COL28A1: variants seen among roughly 807,000 people sequenced by gnomAD.
COL28A1 encodes the protein collagen type XXVIII alpha 1 chain.
COL28A1 carries 161 observed loss-of-function variants against 150.2 expected under a neutral mutation model. The observed-to-expected ratio is 1.07, with a 90% CI of 0.94 to 1.22. The LOEUF is 1.22. Among genes scored for constraint, COL28A1 ranks in the 50% most tolerant of loss-of-function variants. The pLI is 0.00. For missense variants in COL28A1, 1,617 were observed against 1,388.3 expected (o/e 1.16, Z -2.62); for synonymous variants, 552 against 469.7 (o/e 1.18, Z -2.26).
chr7:7,537,954 T>C (rs139863390), upstream of COL28A1, among the ~76,000 whole-genome samples: 52 of 152,302 alleles, frequency 3.4e-4, no homozygotes, highest in African/African-American at 1.2e-3. Context: ...AGGTGATTCC[T>C]AGATGGGGGA....
intron 27 of COL28A1, among the ~76,000 whole-genome samples, chr7:7,389,386 T>C (rs924528633): frequency 2.0e-5 from 3 of 152,208 alleles, no homozygotes; most frequent in Admixed American, 6.5e-5. Flanking sequence ...ACCATGCTGT[T>C]TGGGTTACTG....
At chr7:7,448,124 T>C (rs1261363830) in intron 18 of COL28A1, among the ~76,000 whole-genome samples, 4 of 152,196 alleles carry the variant, frequency 2.6e-5, no homozygotes, top group African/African-American at 9.6e-5. Context: ...GGAATTGCTA[T>C]TTCAAGAAAT....
At chr7:7,415,069 T>C (rs952373240) in intron 27 of COL28A1, among the ~76,000 whole-genome samples, 10 of 152,232 alleles carry the variant, frequency 6.6e-5, no homozygotes, top group Non-Finnish European at 1.5e-4. Flanking sequence ...GAAGAGCCAA[T>C]ATTCTAGCAA....
intron 30 of COL28A1, among the ~76,000 whole-genome samples, chr7:7,377,029 T>A (rs574403660): frequency 1.1e-4 from 16 of 152,320 alleles, no homozygotes; most frequent in African/African-American, 3.4e-4. Flanking sequence ...AATTAAATTA[T>A]TCATGAGGCT....
chr7:7,480,769 A>G (rs1439267123), intron 13 of COL28A1, among the ~76,000 whole-genome samples: 1 of 152,184 alleles, frequency 6.6e-6, no homozygotes, highest in African/African-American at 2.4e-5. Context: ...TCCCTGTCTC[A>G]TGGAGCTGAC....
intron 8 of COL28A1, among the ~76,000 whole-genome samples, chr7:7,513,725 TAC>T (rs1347687181): frequency 6.6e-6 from 1 of 152,270 alleles, no homozygotes; most frequent in Non-Finnish European, 1.5e-5. Flanking sequence ...TGCTTTTGGC[TAC>T]AATTCACATT....
At chr7:7,437,542 G>GTCTGCAGA in intron 21 of COL28A1, 80 bp from the exon 22 acceptor site, 1 of 1,500,308 alleles carries the variant, frequency 6.7e-7, no homozygotes, top group Non-Finnish European at 8.9e-7. Flanking sequence ...GTACAGAAAT[G>GTCTGCAGA]TCTGCAGATT....
chr7:7,405,457 G>A (rs923094083), intron 27 of COL28A1, among the ~76,000 whole-genome samples: 2 of 152,102 alleles, frequency 1.3e-5, no homozygotes, highest in South Asian at 2.1e-4. Flanking sequence ...ACCAACAGAA[G>A]CCAGTTGGGG....
At chr7:7,443,355 C>T (rs1304330967) in intron 20 of COL28A1, among the ~76,000 whole-genome samples, 2 of 152,072 alleles carry the variant, frequency 1.3e-5, no homozygotes, top group African/African-American at 2.4e-5. Context: ...ATTGAGAAAA[C>T]GTGTGTCAAA....
chr7:7,340,657 TC>T, the COL28A1 span, among the ~76,000 whole-genome samples: 1 of 152,030 alleles, frequency 6.6e-6, no homozygotes, highest in Admixed American at 6.6e-5. Flanking sequence ...TCTTTTTTTT[TC>T]CCCCTAAGCA....
intron 23 of COL28A1, among the ~76,000 whole-genome samples, chr7:7,435,386 CAT>C (rs1419897380): frequency 6.6e-6 from 1 of 152,174 alleles, no homozygotes; most frequent in African/African-American, 2.4e-5. Flanking sequence ...GAGTGGTCTA[CAT>C]AGTTTGGGTT....
At chr7:7,503,202 G>A (rs988618917) in intron 11 of COL28A1, among the ~76,000 whole-genome samples, 1 of 152,166 alleles carries the variant, frequency 6.6e-6, no homozygotes, top group African/African-American at 2.4e-5. Flanking sequence ...GAGCAGACTT[G>A]TGGGTTTCAA....
intron 30 of COL28A1, among the ~76,000 whole-genome samples, chr7:7,376,651 A>C (rs1459189011): frequency 6.6e-6 from 1 of 152,086 alleles, no homozygotes. Context: ...GTATTTATAT[A>C]TTTATATTAA....
Position 7,474,070 on chromosome 7 carries a change from A to AATATAT in COL28A1, c.1302+525_1302+530dup, listed in dbSNP as rs58897994. 8.4e-5 allele frequency among the ~76,000 whole-genome samples: 12 copies of AATATAT among 143,074 alleles called. No individual in the cohort carries two copies. The South Asian group carries it at 1.1e-3, about 13-fold the overall frequency. The allele number at this position is 143,074 out of a possible 152,430, so 93.9% of individuals were successfully genotyped here. On this transcript the variant is annotated intron_variant, in intron 15 of 34. Transcript: ENST00000399429. The stretch of plus-strand genomic sequence containing the variant: ...TACTATATACTCTATATATATATGG[A>AATATAT]ATATATATATATATATATGTGATGG...
At chr7:7,523,553 C>T (rs1781859254) in intron 4 of COL28A1, among the ~76,000 whole-genome samples, 2 of 152,024 alleles carry the variant, frequency 1.3e-5, no homozygotes, top group Middle Eastern at 6.8e-3. Context: ...TTGGTTGACT[C>T]CTATTATTTT....
rs143154429 is a variant in COL28A1 at position 7,479,121 on chromosome 7, A to T, written c.1165-1941T>A. Among the ~76,000 whole-genome samples, 102 of 152,336 alleles carry T rather than the reference A, an allele frequency of 6.7e-4. 1 individual carries two copies. Among genetic ancestry groups the T allele is most frequent in the African/African-American group, 2.3e-3 (94 of 41,574 alleles). The stretch of plus-strand genomic sequence containing the variant: ...CACCTCTCACCATTTTATACAAGGG[A>T]CTTGAGCATCTGTGGATTTTGGTGT... On this transcript the variant is annotated intron_variant, in intron 13 of 34. Transcript: ENST00000399429.
chr7:7,492,220 G>C (rs1779951559), intron 11 of COL28A1, among the ~76,000 whole-genome samples: 1 of 152,050 alleles, frequency 6.6e-6, no homozygotes, highest in Non-Finnish European at 1.5e-5. Context: ...TGTGATTTTG[G>C]AAGGGACACC....
chr7:7,456,672 CTG>C (rs1323147618), intron 15 of COL28A1, among the ~76,000 whole-genome samples: 2 of 152,128 alleles, frequency 1.3e-5, no homozygotes, highest in African/African-American at 4.8e-5. Context: ...TTCATTCTTT[CTG>C]TGTCTTTATA....
At chr7:7,431,765 A>C in intron 25 of COL28A1, 1 of 325,962 alleles carries the variant, frequency 3.1e-6, no homozygotes, top group Non-Finnish European at 6.5e-6. Context: ...CAGAGGGAAG[A>C]CCAATGAAGA....
Sources: allele counts gnomAD v4.1 joint callset (sites outside exome capture counted in the v4.1 genomes callset), GRCh38; gene constraint gnomAD v4.1.1; transcripts MANE v1.5; gene names NCBI Gene and HGNC (gene_info 2026-07-23, HGNC 2026-07-21).